Variants in ENTREP2 observed in about 807,000 individuals in gnomAD.
ENTREP2 encodes endosomal transmembrane epsin interactor 2, also known as protein ENTREP2.
the ENTREP2 span, among the ~76,000 whole-genome samples, chr15:29,148,877 T>A: frequency 6.0e-5 from 9 of 151,254 alleles, no homozygotes; most frequent in East Asian, 7.7e-4. Context: ...GATTTTTTTT[T>A]AATTTTTTTT....
the ENTREP2 span, among the ~76,000 whole-genome samples, chr15:29,562,266 T>C: frequency 4.6e-5 from 7 of 152,136 alleles, no homozygotes; most frequent in African/African-American, 1.7e-4. Context: ...GGTGATGAAA[T>C]TGGAATGGGG....
At chr15:29,307,129 A>T in the ENTREP2 span, among the ~76,000 whole-genome samples, 1 of 152,170 alleles carries the variant, frequency 6.6e-6, no homozygotes. Flanking sequence ...GCTTTCTGTA[A>T]CTAAATGAGA....
the ENTREP2 span, among the ~76,000 whole-genome samples, chr15:29,639,768 C>CTTTTTTT: frequency 0.018 from 2,243 of 127,024 alleles, 91 homozygotes; most frequent in African/African-American, 0.06. Context: ...TTTTTGTTTG[C>CTTTTTTT]TTTTTTTTTT....
At chr15:29,525,437 T>C in the ENTREP2 span, among the ~76,000 whole-genome samples, 1 of 152,212 alleles carries the variant, frequency 6.6e-6, no homozygotes, top group African/African-American at 2.4e-5. Flanking sequence ...GCTCACAAAA[T>C]AGACGAACCT....
chr15:29,183,214 C>A, the ENTREP2 span, among the ~76,000 whole-genome samples: 1 of 152,118 alleles, frequency 6.6e-6, no homozygotes, highest in Non-Finnish European at 1.5e-5. Flanking sequence ...AAAGGGAAAT[C>A]GTTTAGAGTA....
chr15:29,510,674 G>A, the ENTREP2 span, among the ~76,000 whole-genome samples: 1 of 152,080 alleles, frequency 6.6e-6, no homozygotes, highest in Non-Finnish European at 1.5e-5. Context: ...GGGCATGGTG[G>A]CTGGCACCTG....
the ENTREP2 span, among the ~76,000 whole-genome samples, chr15:29,229,449 G>A: frequency 6.6e-6 from 1 of 152,102 alleles, no homozygotes; most frequent in African/African-American, 2.4e-5. Flanking sequence ...TCTTAATTGA[G>A]CTTATGGAAA....
the ENTREP2 span, among the ~76,000 whole-genome samples, chr15:29,490,311 C>T: frequency 6.6e-6 from 1 of 152,116 alleles, no homozygotes; most frequent in Non-Finnish European, 1.5e-5. Flanking sequence ...TATTACAGCT[C>T]TTGAAGGTAA....
the ENTREP2 span, among the ~76,000 whole-genome samples, chr15:29,202,508 G>C: frequency 6.6e-6 from 1 of 152,004 alleles, no homozygotes; most frequent in African/African-American, 2.4e-5. Context: ...TGGGATACAG[G>C]TGCAGAATGT....
the ENTREP2 span, among the ~76,000 whole-genome samples, chr15:29,431,471 A>T: frequency 6.6e-6 from 1 of 151,920 alleles, no homozygotes; most frequent in African/African-American, 2.4e-5. Context: ...AATTAATTAA[A>T]AATATAATTT....
chr15:29,489,042 G>A, the ENTREP2 span, among the ~76,000 whole-genome samples: 19 of 152,260 alleles, frequency 1.2e-4, no homozygotes, highest in East Asian at 3.3e-3. Context: ...CTTTTATAGA[G>A]GGAGTGGTTA....
the ENTREP2 span, among the ~76,000 whole-genome samples, chr15:29,541,602 G>A: frequency 1.3e-5 from 2 of 152,122 alleles, 1 homozygote; most frequent in South Asian, 4.1e-4. Flanking sequence ...GGACCTCGGA[G>A]TCAGCTTAAG....
the ENTREP2 span, among the ~76,000 whole-genome samples, chr15:29,180,658 C>T: frequency 6.6e-5 from 10 of 151,438 alleles, no homozygotes; most frequent in South Asian, 2.1e-4. Flanking sequence ...AGCAAGACTC[C>T]GTCTCAAAAA....
the ENTREP2 span, among the ~76,000 whole-genome samples, chr15:29,126,663 G>A: frequency 2.0e-5 from 3 of 152,250 alleles, 1 homozygote; most frequent in East Asian, 5.8e-4. Flanking sequence ...GGGGGCACCA[G>A]ATGAGCTCCC....
chr15:29,588,571 A>G, the ENTREP2 span, among the ~76,000 whole-genome samples: 2 of 83,868 alleles, frequency 2.4e-5, no homozygotes, highest in Non-Finnish European at 4.0e-5. Flanking sequence ...AGAGAGAAGG[A>G]GAAGGGAGGG....
chr15:29,126,298 G>A, the ENTREP2 span: 8 of 1,489,892 alleles, frequency 5.4e-6, no homozygotes, highest in African/African-American at 5.6e-5. Context: ...AGGTGGGGTC[G>A]CTGGTGGAGC....
At chr15:29,519,725 G>A in the ENTREP2 span, among the ~76,000 whole-genome samples, 5 of 152,280 alleles carry the variant, frequency 3.3e-5, no homozygotes, top group East Asian at 9.7e-4. Context: ...AGGGAGGTTG[G>A]GTCCCATCAG....
At chr15:29,232,664 ATTGT>A in the ENTREP2 span, among the ~76,000 whole-genome samples, 1,883 of 150,170 alleles carry the variant, frequency 0.013, 37 homozygotes, top group African/African-American at 0.039. Flanking sequence ...GCCTAATTAA[ATTGT>A]TTGTTTGTTT....
chr15:29,141,002 G>A, the ENTREP2 span, among the ~76,000 whole-genome samples: 1 of 152,228 alleles, frequency 6.6e-6, no homozygotes, highest in South Asian at 2.1e-4. Flanking sequence ...CCCCGCTGGA[G>A]AAGAGCCCCT....
Sources: gnomAD v4.1 joint callset for allele counts (sites outside exome capture counted in the v4.1 genomes callset) on GRCh38, gnomAD v4.1.1 for gene constraint, MANE v1.5 for transcripts, NCBI Gene and HGNC (gene_info 2026-07-23, HGNC 2026-07-21) for gene names.